JHY: variants seen among roughly 807,000 people sequenced by gnomAD.
JHY encodes the protein jhy protein homolog.
JHY carries 69 observed loss-of-function variants against 78.0 expected under a neutral mutation model. The ratio of observed to expected loss-of-function variants is 0.88; its 90% confidence interval spans 0.73 to 1.08. The LOEUF is 1.08. Among genes scored for constraint, JHY ranks in the 50% least tolerant of loss-of-function variants. The pLI, the probability that JHY is intolerant of heterozygous loss-of-function variation, is 0.00. For synonymous variants in JHY, 368 were observed against 342.6 expected (o/e 1.07, Z -0.82); for missense variants, 944 against 927.8 (o/e 1.02, Z -0.23).
intron 6 of JHY, among the ~76,000 whole-genome samples, chr11:122,953,752 A>G (rs1439121298): frequency 6.6e-6 from 1 of 152,206 alleles, no homozygotes; most frequent in Non-Finnish European, 1.5e-5. Flanking sequence ...AAGGAGATGT[A>G]TGATTTTGAA....
At chr11:122,940,207 A>G (rs973731212) in intron 5 of JHY, among the ~76,000 whole-genome samples, 1 of 151,940 alleles carries the variant, frequency 6.6e-6, no homozygotes, top group Non-Finnish European at 1.5e-5. Flanking sequence ...GTGTGGTGGC[A>G]GGCTCCTGTA....
At chr11:122,885,647 C>CAAAA in intron 1 of JHY, 114 bp from the exon 2 acceptor site, 1 of 544,194 alleles carries the variant, frequency 1.8e-6, no homozygotes, top group South Asian at 2.9e-5. Flanking sequence ...AGGGTGCATA[C>CAAAA]AAAAGCCTGC....
Position 122,934,809 on chromosome 11 carries a change from C to A in JHY, c.1368C>A (p.Asn456Lys). 2 of 1,614,164 alleles carry A rather than the reference C, an allele frequency of 1.2e-6. No individual in the cohort carries two copies. The highest frequency in any genetic ancestry group is 8.5e-7 in the Non-Finnish European group (1 of 1,180,036). The stretch of plus-strand genomic sequence containing the variant: ...CTTTTGACAAGGTCTTATCTAAAAA[C>A]TCTACTGGATGTGACTCTGGGCTGA... Reference protein sequence around the residue: ...KQAFDKVLSKNSTGCDSGLNV... With the variant: ...KQAFDKVLSKKSTGCDSGLNV... Residue 456 changes from asparagine (N) to lysine (K), a missense_variant, in exon 5 of 9, where the codon AAC becomes AAA. Coordinates refer to ENST00000227349, the MANE Select transcript of JHY (RefSeq NM_024806.4).
chr11:122,933,057 T>C (rs1243377139), intron 4 of JHY, among the ~76,000 whole-genome samples: 1 of 152,244 alleles, frequency 6.6e-6, no homozygotes, highest in Non-Finnish European at 1.5e-5. Context: ...GTTTTAAATT[T>C]AATAATCTCA....
intron 6 of JHY, among the ~76,000 whole-genome samples, chr11:122,949,440 G>T (rs1463098356): frequency 1.3e-5 from 2 of 152,144 alleles, no homozygotes; most frequent in Non-Finnish European, 2.9e-5. Context: ...TCCTCAAGTG[G>T]GGCCTTTAGA....
intron 3 of JHY, chr11:122,905,279 C>A (rs1451300623): frequency 6.2e-7 from 1 of 1,613,130 alleles, no homozygotes; most frequent in East Asian, 2.2e-5. Context: ...CTGCCCACCT[C>A]CTATGGACAT....
chr11:122,939,123 G>A (rs549086923), intron 5 of JHY, among the ~76,000 whole-genome samples: 5 of 152,062 alleles, frequency 3.3e-5, no homozygotes, highest in South Asian at 2.1e-4. Context: ...GAGCAGCTGG[G>A]ACTACAGACG....
chr11:122,907,615 C>T (rs528099773), intron 3 of JHY, among the ~76,000 whole-genome samples: 99 of 152,064 alleles, frequency 6.5e-4, no homozygotes, highest in African/African-American at 2.3e-3. Context: ...GAGGCCAAGG[C>T]GGGCAGATCC....
intron 6 of JHY, among the ~76,000 whole-genome samples, chr11:122,947,832 C>T (rs1392230671): frequency 6.6e-6 from 1 of 152,120 alleles, no homozygotes; most frequent in African/African-American, 2.4e-5. Flanking sequence ...GTGATGCAGA[C>T]ACAGCAGTAG....
chr11:122,934,359 A>G, intron 4 of JHY, 61 bp from the exon 5 acceptor site: 2 of 814,514 alleles, frequency 2.5e-6, no homozygotes, highest in African/African-American at 1.8e-5. Flanking sequence ...TAAATAATAA[A>G]ATAAAATTTG....
chr11:122,903,250 C>T (rs909827821), intron 2 of JHY, among the ~76,000 whole-genome samples: 2 of 152,226 alleles, frequency 1.3e-5, no homozygotes, highest in African/African-American at 4.8e-5. Flanking sequence ...AGCTGAAATA[C>T]TGAGTCATTG....
Position 122,959,508 on chromosome 11 carries a change from C to A in JHY, c.*63C>A. 1.4e-6 allele frequency: 2 copies of A among 1,432,550 alleles called. No individual in the cohort carries two copies. Among genetic ancestry groups the A allele is most frequent in the Non-Finnish European group, 1.9e-6 (2 of 1,028,556 alleles). The allele number at this position is 1,432,550 out of a possible 1,614,324, so 88.7% of individuals were successfully genotyped here. On this transcript the variant is annotated 3_prime_UTR_variant, in exon 9 of 9. Coordinates refer to ENST00000227349, the MANE Select transcript of JHY (RefSeq NM_024806.4). ...GAATGAACGTGGAGAAAAGAAACGC[C>A]AACCACCTTCTCTGCGTTGAGAGTA...
At chr11:122,884,852 T>C (rs1190885539) in intron 1 of JHY, among the ~76,000 whole-genome samples, 8 of 152,050 alleles carry the variant, frequency 5.3e-5, no homozygotes, top group Admixed American at 1.3e-4. Flanking sequence ...CAGGCTGGAG[T>C]GCAGTGGCAC....
At position 122,898,540 on chromosome 11, in the gene JHY, C is replaced by T. The variant is rs373943698; in HGVS notation, c.345-5385C>T. ...TTCCCTAGATCATCAAACAGTAACACGTGCTCCCTTTCCACATCCCACTCC... is the reference window on the plus strand; with the variant it reads ...TTCCCTAGATCATCAAACAGTAACATGTGCTCCCTTTCCACATCCCACTCC... On this transcript the variant is annotated intron_variant, in intron 2 of 8. Coordinates refer to ENST00000227349, the MANE Select transcript of JHY (RefSeq NM_024806.4). The surrounding 1 kb of genome is among the most constrained non-coding windows in gnomAD (Gnocchi z 4.4). Among the ~76,000 whole-genome samples, 4 of 152,178 alleles carry T rather than the reference C, an allele frequency of 2.6e-5. No homozygotes were observed. Among genetic ancestry groups the T allele is most frequent in the African/African-American group, 4.8e-5 (2 of 41,448 alleles).
chr11:122,915,019 A>G (rs1455121760), intron 3 of JHY, among the ~76,000 whole-genome samples: 2 of 152,026 alleles, frequency 1.3e-5, no homozygotes, highest in Non-Finnish European at 2.9e-5. Flanking sequence ...CACTTCATTA[A>G]TTTGACATTA....
rs1450882683 is a variant in JHY at position 122,959,505 on chromosome 11, C to T, written c.*60C>T. ...CAGGAATGAACGTGGAGAAAAGAAA[C>T]GCCAACCACCTTCTCTGCGTTGAGA... On this transcript the variant is annotated 3_prime_UTR_variant, in exon 9 of 9. Transcript: ENST00000227349. 19 of 1,483,738 alleles carry T rather than the reference C, an allele frequency of 1.3e-5. No individual in the cohort carries two copies. The highest frequency in any genetic ancestry group is 5.6e-5 in the African/African-American group (4 of 71,220). 91.9% of individuals were successfully genotyped at this position (1,483,738 alleles called of 1,614,324 possible). A position where few individuals can be genotyped will look rare whatever the true frequency, so the allele number is the denominator to read the frequency against.
At chr11:122,944,701 C>T (rs1216765722) in intron 5 of JHY, among the ~76,000 whole-genome samples, 1 of 152,006 alleles carries the variant, frequency 6.6e-6, no homozygotes, top group Non-Finnish European at 1.5e-5. Flanking sequence ...GAAGTAAATC[C>T]TTTAGAAGTT....
At position 122,960,240 on chromosome 11, in the gene JHY, A is replaced by C. The variant is rs1164936108; in HGVS notation, c.*795A>C. The C allele has an allele frequency of 6.5e-6, 1 of 153,048 alleles. No individual in the cohort carries two copies. The highest frequency in any genetic ancestry group is 1.9e-4 in the East Asian group (1 of 5,222). The allele number at this position is 153,048 out of a possible 1,614,324, so 9.5% of individuals were successfully genotyped here. On this transcript the variant is annotated 3_prime_UTR_variant, in exon 9 of 9. Transcript: ENST00000227349. ...CAAAGCAAGACTCTGTCTGAACAAC[A>C]ACAACAAAAGGTTCCTGCCCTGACA...
chr11:122,940,288 A>G (rs150456754), intron 5 of JHY, among the ~76,000 whole-genome samples: 4,760 of 152,240 alleles, frequency 0.031, 112 homozygotes, highest in East Asian at 0.11. Context: ...CAGTGAGCTG[A>G]GATCCTGCCA....
Sources: gnomAD v4.1 joint callset for allele counts (sites outside exome capture counted in the v4.1 genomes callset) on GRCh38, gnomAD v4.1.1 for gene constraint, Gnocchi (gnomAD v3.1) non-coding constraint, MANE v1.5 for transcripts, NCBI Gene and HGNC (gene_info 2026-07-23, HGNC 2026-07-21) for gene names.